GPRASP3: variants seen among roughly 807,000 people sequenced by gnomAD.
The protein encoded by GPRASP3 is G protein-coupled receptor associated sorting protein family member 3.
chrX:102,744,391 T>TA, the GPRASP3 span, among the ~76,000 whole-genome samples: 1 of 112,338 alleles, frequency 8.9e-6, no homozygotes, highest in East Asian at 2.8e-4. Flanking sequence ...GACAATGTGT[T>TA]AAAGTTTTAA....
At chrX:102,729,293 G>A in the GPRASP3 span, among the ~76,000 whole-genome samples, 1 of 111,920 alleles carries the variant, frequency 8.9e-6, no homozygotes, top group Middle Eastern at 4.7e-3. Context: ...AGGGAAAGGC[G>A]TTTCTCCTAT....
At chrX:102,728,170 G>C in the GPRASP3 span, among the ~76,000 whole-genome samples, 38 of 111,881 alleles carry the variant, frequency 3.4e-4, 1 homozygote, top group Middle Eastern at 4.6e-3. Context: ...CTAGCATTAA[G>C]TTACAGTTCC....
the GPRASP3 span, chrX:102,720,960 C>G: frequency 8.9e-6 from 1 of 112,296 alleles, no homozygotes; most frequent in Non-Finnish European, 1.9e-5. Flanking sequence ...TGTCCAGGAG[C>G]TCAAGAAGCA....
At chrX:102,741,388 G>A in the GPRASP3 span, among the ~76,000 whole-genome samples, 3 of 111,800 alleles carry the variant, frequency 2.7e-5, no homozygotes, top group Non-Finnish European at 5.6e-5. Context: ...CATGCACAGT[G>A]TATTTAGAAA....
the GPRASP3 span, chrX:102,749,839 C>G: frequency 2.5e-6 from 3 of 1,207,672 alleles, no homozygotes; most frequent in South Asian, 5.3e-5. Context: ...CCCTGAGTGT[C>G]GTTTTGATTC....
chrX:102,748,961 A>G, the GPRASP3 span: 1 of 1,166,289 alleles, frequency 8.6e-7, no homozygotes, highest in Non-Finnish European at 1.1e-6. Context: ...AACCAAGGCC[A>G]AGACTGGACA....
chrX:102,749,248 A>G, the GPRASP3 span: 3 of 1,211,547 alleles, frequency 2.5e-6, no homozygotes, highest in Admixed American at 2.2e-5. Context: ...GGGCAAAGCC[A>G]TGGGAGATTT....
the GPRASP3 span, chrX:102,747,733 G>C: frequency 8.9e-6 from 1 of 112,075 alleles, no homozygotes; most frequent in Non-Finnish European, 1.9e-5. Context: ...ATATTCAAAA[G>C]CATATGTTAT....
chrX:102,729,042 C>A, the GPRASP3 span, among the ~76,000 whole-genome samples: 1 of 111,877 alleles, frequency 8.9e-6, no homozygotes, highest in Non-Finnish European at 1.9e-5. Context: ...TTGCTGGAGA[C>A]TGAGTGTGGA....
the GPRASP3 span, among the ~76,000 whole-genome samples, chrX:102,734,549 A>G: frequency 4.5e-5 from 5 of 111,820 alleles, no homozygotes; most frequent in Admixed American, 1.9e-4. Context: ...CCTGAGAGGC[A>G]GAGGTTGCAG....
the GPRASP3 span, among the ~76,000 whole-genome samples, chrX:102,739,611 A>G: frequency 8.9e-6 from 1 of 111,738 alleles, no homozygotes. Context: ...TTAAAAAGCA[A>G]GAGGGTGGGA....
the GPRASP3 span, among the ~76,000 whole-genome samples, chrX:102,746,519 A>G: frequency 8.9e-6 from 1 of 112,162 alleles, no homozygotes; most frequent in Non-Finnish European, 1.9e-5. Context: ...GAAATGGCGG[A>G]GCGGGAGCCA....
At chrX:102,747,401 C>T in the GPRASP3 span, among the ~76,000 whole-genome samples, 8 of 111,571 alleles carry the variant, frequency 7.2e-5, no homozygotes, top group African/African-American at 2.0e-4. Context: ...CCTGAGAACT[C>T]CTGCTGTATA....
At chrX:102,727,088 A>G in the GPRASP3 span, among the ~76,000 whole-genome samples, 1 of 113,057 alleles carries the variant, frequency 8.8e-6, no homozygotes, top group African/African-American at 3.2e-5. Flanking sequence ...GAGCACATCT[A>G]GGATTGTTCC....
At chrX:102,731,825 G>A in the GPRASP3 span, among the ~76,000 whole-genome samples, 1 of 111,505 alleles carries the variant, frequency 9.0e-6, no homozygotes, top group Non-Finnish European at 1.9e-5. Context: ...TGGGAAGTGA[G>A]CACGCACAGT....
chrX:102,736,881 C>T, the GPRASP3 span, among the ~76,000 whole-genome samples: 2 of 112,183 alleles, frequency 1.8e-5, no homozygotes, highest in South Asian at 3.7e-4. Context: ...AAACAGGTAA[C>T]GCAATGCAAA....
chrX:102,740,144 A>T, the GPRASP3 span, among the ~76,000 whole-genome samples: 1 of 111,950 alleles, frequency 8.9e-6, no homozygotes, highest in South Asian at 3.7e-4. Flanking sequence ...CCACTCTCAT[A>T]AGCCTCCTAT....
the GPRASP3 span, among the ~76,000 whole-genome samples, chrX:102,736,481 A>C: frequency 8.9e-6 from 1 of 111,988 alleles, no homozygotes; most frequent in East Asian, 2.8e-4. Context: ...TTGGAAGAAC[A>C]GCGTGGAGAA....
the GPRASP3 span, among the ~76,000 whole-genome samples, chrX:102,733,878 G>C: frequency 9.1e-6 from 1 of 110,383 alleles, no homozygotes; most frequent in South Asian, 3.9e-4. Flanking sequence ...GGCTGAGTCC[G>C]AAAAGAGAGT....
Sources: allele counts gnomAD v4.1 joint callset (sites outside exome capture counted in the v4.1 genomes callset), GRCh38; gene constraint gnomAD v4.1.1; transcripts MANE v1.5; gene names NCBI Gene and HGNC (gene_info 2026-07-23, HGNC 2026-07-21).